The following ATP2B2 variants were observed in gnomAD, a reference collection of about 807,000 sequenced individuals.
The protein encoded by ATP2B2 is plasma membrane calcium-transporting ATPase 2.
ATP2B2 carries 15 observed loss-of-function variants against 120.0 expected under a neutral mutation model. The observed-to-expected ratio is 0.12, with a 90% CI of 0.08 to 0.19. The LOEUF (loss-of-function observed/expected upper bound fraction) is 0.19, where lower values mean the gene tolerates loss of function less well. ATP2B2 is among the 10% of genes least tolerant of loss of function. The pLI is 1.00. For synonymous variants in ATP2B2, 694 were observed against 700.3 expected, an observed-to-expected ratio of 0.99 and a Z score of 0.14; for missense variants, 1,045 against 1,719.8, an observed-to-expected ratio of 0.61 and a Z score of 6.94.
intron 2 of ATP2B2, among the ~76,000 whole-genome samples, chr3:10,423,897 AG>A (rs1024889766): frequency 2.6e-5 from 4 of 152,226 alleles, no homozygotes; most frequent in African/African-American, 9.6e-5. Context: ...TGCAAAGGGC[AG>A]TGGTGGTGGG....
intron 1 of ATP2B2, among the ~76,000 whole-genome samples, chr3:10,666,768 G>A (rs1265952539): frequency 6.6e-6 from 1 of 152,182 alleles, no homozygotes; most frequent in African/African-American, 2.4e-5. Context: ...CTGGAGGAGT[G>A]CCCGGAAGTG....
chr3:10,655,727 TTCTC>T (rs1469120298), intron 1 of ATP2B2, among the ~76,000 whole-genome samples: 1 of 152,184 alleles, frequency 6.6e-6, no homozygotes, highest in Non-Finnish European at 1.5e-5. Context: ...AAGTGATTCT[TTCTC>T]TCTATTTCTT....
intron 2 of ATP2B2, among the ~76,000 whole-genome samples, chr3:10,586,185 T>C (rs956811292): frequency 6.6e-6 from 1 of 152,172 alleles, no homozygotes; most frequent in Non-Finnish European, 1.5e-5. Flanking sequence ...CCTTGCTCTG[T>C]CATGATTGAA....
chr3:10,668,722 C>G (rs1381784375), intron 1 of ATP2B2, among the ~76,000 whole-genome samples: 1 of 152,200 alleles, frequency 6.6e-6, no homozygotes, highest in African/African-American at 2.4e-5. Context: ...CATGGCACAT[C>G]CCACCATCTA....
intron 3 of ATP2B2, among the ~76,000 whole-genome samples, chr3:10,404,775 AG>A: frequency 6.6e-6 from 1 of 152,228 alleles, no homozygotes; most frequent in African/African-American, 2.4e-5. Flanking sequence ...TGGGAGACAC[AG>A]GTGAACCTTG....
At chr3:10,488,231 A>ATCCAT (rs2065778011) in intron 1 of ATP2B2, among the ~76,000 whole-genome samples, 12 of 122,774 alleles carry the variant, frequency 9.8e-5, no homozygotes, top group African/African-American at 2.4e-4. Flanking sequence ...CCACTCATCC[A>ATCCAT]CCTATCCATC....
At chr3:10,598,031 T>A (rs772386550) in intron 2 of ATP2B2, among the ~76,000 whole-genome samples, 39 of 152,194 alleles carry the variant, frequency 2.6e-4, no homozygotes, top group Admixed American at 3.3e-4. Context: ...GACAACACAG[T>A]TTCTGCTCAA....
intron 8 of ATP2B2, among the ~76,000 whole-genome samples, chr3:10,383,262 T>C (rs2061581697): frequency 6.6e-6 from 1 of 152,010 alleles, no homozygotes; most frequent in South Asian, 2.1e-4. Context: ...TCCCAGAGTA[T>C]ATTATGGGGC....
At chr3:10,409,358 A>G (rs1249504812) in intron 3 of ATP2B2, among the ~76,000 whole-genome samples, 6 of 151,938 alleles carry the variant, frequency 3.9e-5, no homozygotes, top group African/African-American at 1.5e-4. Flanking sequence ...TTTTAATTTT[A>G]TTTTTCATTT....
At chr3:10,378,438 T>C (rs1386818467) in intron 9 of ATP2B2, 28 bp from the exon 10 acceptor site, 3 of 1,599,204 alleles carry the variant, frequency 1.9e-6, no homozygotes, top group East Asian at 4.5e-5. Context: ...CGCACGTGCA[T>C]ACACACAGAC....
chr3:10,456,438 G>A (rs2064262643), intron 1 of ATP2B2, among the ~76,000 whole-genome samples: 1 of 152,164 alleles, frequency 6.6e-6, no homozygotes, highest in South Asian at 2.1e-4. Flanking sequence ...GACTTGGGCA[G>A]GGCTCTTAAT....
intron 2 of ATP2B2, among the ~76,000 whole-genome samples, chr3:10,555,416 G>A (rs78877117): frequency 6.6e-6 from 1 of 152,334 alleles, no homozygotes; most frequent in African/African-American, 2.4e-5. Context: ...AAACTCCTAT[G>A]TATCTGTCAA....
intron 2 of ATP2B2, among the ~76,000 whole-genome samples, chr3:10,574,555 T>A (rs1408097083): frequency 6.6e-6 from 1 of 152,222 alleles, no homozygotes; most frequent in Admixed American, 6.5e-5. Flanking sequence ...AGATGATGCT[T>A]ATCTCCCTGG....
chr3:10,592,073 G>A (rs369189690), intron 2 of ATP2B2, among the ~76,000 whole-genome samples: 2 of 152,336 alleles, frequency 1.3e-5, no homozygotes, highest in East Asian at 3.9e-4. Context: ...CAACCATGTG[G>A]AAGGTTGGGA....
intron 3 of ATP2B2, among the ~76,000 whole-genome samples, chr3:10,405,761 G>A (rs2062390097): frequency 6.6e-6 from 1 of 152,160 alleles, no homozygotes; most frequent in Admixed American, 6.5e-5. Flanking sequence ...CCAGTACAAT[G>A]GTGAACCTGC....
At chr3:10,602,516 G>A (rs2068951553) in intron 2 of ATP2B2, among the ~76,000 whole-genome samples, 1 of 152,232 alleles carries the variant, frequency 6.6e-6, no homozygotes, top group Non-Finnish European at 1.5e-5. Context: ...CCTCCTAACA[G>A]AGAGACACAG....
chr3:10,421,297 A>G (rs2062971805), intron 2 of ATP2B2, among the ~76,000 whole-genome samples: 1 of 152,080 alleles, frequency 6.6e-6, no homozygotes, highest in Admixed American at 6.5e-5. Flanking sequence ...CAGAGCCTGC[A>G]CTCAGCCTGG....
At chr3:10,567,031 G>C (rs2068024644) in intron 2 of ATP2B2, among the ~76,000 whole-genome samples, 1 of 152,194 alleles carries the variant, frequency 6.6e-6, no homozygotes, top group Admixed American at 6.5e-5. Context: ...CTTGTGCCCT[G>C]CCACTGTGAC....
At position 10,352,906 on chromosome 3, in the gene ATP2B2, G is replaced by A. The variant is rs1057076672; in HGVS notation, c.2137-2329C>T. Among the ~76,000 whole-genome samples the A allele has an allele frequency of 4.6e-5, 7 of 152,278 alleles. No homozygotes were observed. The East Asian group carries it at 1.2e-3, about 25-fold the overall frequency. On this transcript the variant is annotated intron_variant, in intron 14 of 22. Coordinates refer to ENST00000360273, the MANE Select transcript of ATP2B2 (RefSeq NM_001001331.4). ...AATTTAGGTTCTTGGTTTCAAAGAC[G>A]CTGGAGGACTTGGAGTTGGAAAGGG...
Sources: gnomAD v4.1 joint callset for allele counts (sites outside exome capture counted in the v4.1 genomes callset) on GRCh38, gnomAD v4.1.1 for gene constraint, MANE v1.5 for transcripts, NCBI Gene and HGNC (gene_info 2026-07-23, HGNC 2026-07-21) for gene names.